Variants in GRIP1 observed in about 807,000 individuals in gnomAD.
GRIP1 encodes glutamate receptor-interacting protein 1.
In GRIP1, 45 loss-of-function variants were observed where a neutral mutation model predicts 129.9. That is an observed-to-expected ratio of 0.35 (90% CI 0.27 to 0.44). The LOEUF (loss-of-function observed/expected upper bound fraction) is 0.44. GRIP1 is among the 20% of genes least tolerant of loss of function. GRIP1 has a pLI of 1.00. For synonymous variants in GRIP1, 530 were observed against 520.8 expected, an observed-to-expected ratio of 1.02 and a Z score of -0.24; for missense variants, 1,196 against 1,396.8, an observed-to-expected ratio of 0.86 and a Z score of 2.29.
chr12:66,951,941 C>T (rs1356463014), intron 1 of GRIP1, among the ~76,000 whole-genome samples: 1 of 152,140 alleles, frequency 6.6e-6, no homozygotes, highest in Non-Finnish European at 1.5e-5. Flanking sequence ...AAAGGGAAGA[C>T]ATTTGGATAG....
chr12:66,574,899 T>C (rs555328751), intron 2 of GRIP1, among the ~76,000 whole-genome samples: 2 of 152,066 alleles, frequency 1.3e-5, no homozygotes, highest in South Asian at 4.2e-4. Context: ...CTCATCTTCC[T>C]GGTATAACAG....
intron 7 of GRIP1, among the ~76,000 whole-genome samples, chr12:66,489,199 G>A (rs2060039563): frequency 1.3e-5 from 2 of 152,262 alleles, no homozygotes; most frequent in Middle Eastern, 3.4e-3. Flanking sequence ...TATCCTTGAT[G>A]AACATCAATG....
chr12:66,606,336 T>C lies in GRIP1; in HGVS notation c.56-9409A>G, dbSNP rs573354425. Among the ~76,000 whole-genome samples the C allele has an allele frequency of 2.6e-5, 4 of 152,188 alleles. 1 individual carries two copies. The South Asian group carries it at 8.3e-4, about 32-fold the overall frequency. ...TAAGTTACACGAAGAAAAATGAGAG[T>C]TTAATTATAATCATATATTTTTAGA... On this transcript the variant is annotated intron_variant, in intron 1 of 24. Coordinates refer to ENST00000359742, the MANE Select transcript of GRIP1 (RefSeq NM_001366722.1).
chr12:66,458,700 T>C (rs2059043478), intron 9 of GRIP1, among the ~76,000 whole-genome samples: 1 of 152,250 alleles, frequency 6.6e-6, no homozygotes, highest in African/African-American at 2.4e-5. Context: ...AGCTAACTAT[T>C]ACAAAGAGAA....
At chr12:66,781,307 G>A (rs1389859635) in intron 1 of GRIP1, among the ~76,000 whole-genome samples, 1 of 152,098 alleles carries the variant, frequency 6.6e-6, no homozygotes, top group Non-Finnish European at 1.5e-5. Flanking sequence ...CAAAAACTGT[G>A]CCAGGGGAAG....
At chr12:66,908,155 T>C (rs373100562) in intron 1 of GRIP1, among the ~76,000 whole-genome samples, 14 of 152,338 alleles carry the variant, frequency 9.2e-5, no homozygotes, top group East Asian at 3.9e-4. Flanking sequence ...TTATGGCTTC[T>C]AAATGTCCTA....
rs1287013641 is a variant in GRIP1, at chr12:66,517,951, T to C, written c.528A>G (p.Lys176=). 2.5e-6 allele frequency: 4 copies of C among 1,596,202 alleles called. No individual in the cohort carries two copies. In the African/African-American group the frequency reaches 5.4e-5, roughly 21 times the overall value. ...IRGGAHDDRN[K]SRPVVITCVR... ...CACATGTTATCACAACTGGACGAGA[T>C]TTATTTCTATCATCATGTGCTCCCC... The change falls in exon 6 of 25, where the codon AAA becomes AAG. Residue 176 remains lysine (K), a synonymous_variant. Transcript: ENST00000359742.
intron 7 of GRIP1, among the ~76,000 whole-genome samples, chr12:66,471,881 C>T (rs2059448879): frequency 6.6e-6 from 1 of 152,180 alleles, no homozygotes; most frequent in Admixed American, 6.5e-5. Flanking sequence ...ATGTATTGGT[C>T]AACATGATCT....
At chr12:66,891,333 T>G (rs2040654651) in intron 1 of GRIP1, among the ~76,000 whole-genome samples, 1 of 152,096 alleles carries the variant, frequency 6.6e-6, no homozygotes, top group African/African-American at 2.4e-5. Flanking sequence ...AGGGCTCAAG[T>G]TTTGCGTATC....
intron 2 of GRIP1, among the ~76,000 whole-genome samples, chr12:66,583,582 C>T (rs1205518859): frequency 5.8e-5 from 8 of 137,602 alleles, no homozygotes; most frequent in Non-Finnish European, 1.1e-4. Context: ...ACAACCCCAT[C>T]AAAAAGTGGG....
At chr12:66,825,177 T>G (rs1406230473) in intron 1 of GRIP1, among the ~76,000 whole-genome samples, 5 of 152,188 alleles carry the variant, frequency 3.3e-5, no homozygotes. Context: ...TAATCAGTAA[T>G]AGCATGTATT....
chr12:66,832,874 TG>T (rs2039543187), intron 1 of GRIP1, among the ~76,000 whole-genome samples: 1 of 152,162 alleles, frequency 6.6e-6, no homozygotes, highest in African/African-American at 2.4e-5. Context: ...AGATCTTTGA[TG>T]CTATCAAAGT....
intron 24 of GRIP1, among the ~76,000 whole-genome samples, chr12:66,350,387 C>T (rs143872141): frequency 6.6e-6 from 1 of 152,126 alleles, no homozygotes; most frequent in Non-Finnish European, 1.5e-5. Flanking sequence ...ATCCCAGCTA[C>T]TTGGGAGCTG....
chr12:66,876,024 T>G (rs1360766454), intron 1 of GRIP1, among the ~76,000 whole-genome samples: 2 of 152,070 alleles, frequency 1.3e-5, no homozygotes, highest in African/African-American at 4.8e-5. Flanking sequence ...AAGCCACATA[T>G]GCAAATCTTC....
intron 1 of GRIP1, among the ~76,000 whole-genome samples, chr12:66,962,832 CTT>C (rs1198694869): frequency 6.6e-6 from 1 of 152,008 alleles, no homozygotes; most frequent in African/African-American, 2.4e-5. Flanking sequence ...ATATTAATAA[CTT>C]AATATTAATT....
intron 1 of GRIP1, among the ~76,000 whole-genome samples, chr12:66,951,465 G>A (rs1483290968): frequency 1.3e-5 from 2 of 152,142 alleles, no homozygotes; most frequent in East Asian, 3.9e-4. Context: ...AGAGACCATG[G>A]GGAGAAACAT....
chr12:66,574,042 T>C (rs2063055747), intron 2 of GRIP1, among the ~76,000 whole-genome samples: 1 of 152,220 alleles, frequency 6.6e-6, no homozygotes, highest in Non-Finnish European at 1.5e-5. Context: ...TTTCTCTTAC[T>C]CACATAAATG....
At chr12:66,962,894 T>C (rs1331574302) in intron 1 of GRIP1, among the ~76,000 whole-genome samples, 3 of 152,172 alleles carry the variant, frequency 2.0e-5, no homozygotes, top group African/African-American at 7.2e-5. Flanking sequence ...TTCAAAAACA[T>C]AGCATTAAAA....
chr12:67,034,299 A>T (rs1479705957), intron 1 of GRIP1, among the ~76,000 whole-genome samples: 3 of 152,214 alleles, frequency 2.0e-5, no homozygotes, highest in Non-Finnish European at 4.4e-5. Context: ...GGGACGAAGG[A>T]ATGACTTCTA....
Sources: allele counts gnomAD v4.1 joint callset (sites outside exome capture counted in the v4.1 genomes callset), GRCh38; gene constraint gnomAD v4.1.1; transcripts MANE v1.5; gene names NCBI Gene and HGNC (gene_info 2026-07-23, HGNC 2026-07-21).